The following TPP2 variants were observed in gnomAD, a reference collection of about 807,000 sequenced individuals.
TPP2 encodes the protein tripeptidyl-peptidase 2.
Under a neutral mutation model 155.9 loss-of-function variants are expected in TPP2, and 34 were observed. The ratio of observed to expected loss-of-function variants is 0.22; its 90% CI spans 0.17 to 0.29. TPP2 has a LOEUF of 0.29. Among genes scored for constraint, TPP2 ranks in the 10% least tolerant of loss-of-function variants. TPP2 has a pLI of 1.00. For missense variants in TPP2, 1,028 were observed against 1,522.3 expected (o/e 0.68, Z 5.40); for synonymous variants, 510 against 529.4 (o/e 0.96, Z 0.50).
intron 22 of TPP2, 77 bp downstream of exon 22, chr13:102,649,228 G>A: frequency 6.6e-7 from 1 of 1,515,688 alleles, no homozygotes; most frequent in African/African-American, 1.4e-5. Flanking sequence ...ATGACATCTA[G>A]GCTAAATTTA....
intron 2 of TPP2, among the ~76,000 whole-genome samples, chr13:102,612,877 T>C (rs576621367): frequency 1.9e-4 from 29 of 152,254 alleles, no homozygotes; most frequent in Non-Finnish European, 3.8e-4. Flanking sequence ...CTTCATTTAA[T>C]CTTTTGGCAT....
intron 27 of TPP2, among the ~76,000 whole-genome samples, chr13:102,667,083 C>T (rs924973287): frequency 4.6e-5 from 7 of 152,162 alleles, no homozygotes; most frequent in African/African-American, 9.7e-5. Context: ...AAATACTTAG[C>T]ATTTCTTACA....
intron 25 of TPP2, among the ~76,000 whole-genome samples, chr13:102,661,596 C>T (rs1884234282): frequency 6.6e-6 from 1 of 152,064 alleles, no homozygotes. Context: ...AGGCAAATGG[C>T]TCAATTTTTT....
At chr13:102,657,293 GTA>G in intron 25 of TPP2, 86 bp downstream of exon 25, 1 of 1,127,280 alleles carries the variant, frequency 8.9e-7, no homozygotes, top group Non-Finnish European at 1.2e-6. Context: ...TACATAGACC[GTA>G]TTTAAAATTA....
intron 2 of TPP2, among the ~76,000 whole-genome samples, chr13:102,613,883 A>G (rs1171526805): frequency 6.6e-6 from 1 of 152,230 alleles, no homozygotes; most frequent in Non-Finnish European, 1.5e-5. Flanking sequence ...TGTATAAATG[A>G]AGGTATTATT....
At chr13:102,666,551 A>G (rs920634594) in intron 27 of TPP2, among the ~76,000 whole-genome samples, 6 of 152,162 alleles carry the variant, frequency 3.9e-5, no homozygotes, top group African/African-American at 1.4e-4. Context: ...AGCCCCCGAC[A>G]TTAACTATCC....
At chr13:102,629,441 A>G in intron 8 of TPP2, 41 bp from the exon 9 acceptor site, 1 of 1,448,624 alleles carries the variant, frequency 6.9e-7, no homozygotes, top group Non-Finnish European at 9.0e-7. Flanking sequence ...CTTTGGGAAT[A>G]GAGGCTGATT....
chr13:102,669,972 G>T (rs1486429305), intron 27 of TPP2, among the ~76,000 whole-genome samples: 1 of 152,184 alleles, frequency 6.6e-6, no homozygotes, highest in African/African-American at 2.4e-5. Flanking sequence ...AATAAACAGA[G>T]TAAGCAGAGT....
chr13:102,628,796 ACTT>A, intron 8 of TPP2, among the ~76,000 whole-genome samples: 1 of 151,632 alleles, frequency 6.6e-6, no homozygotes, highest in East Asian at 1.9e-4. Context: ...CTCTTCTCTC[ACTT>A]CTTTATTTTA....
chr13:102,637,738 A>G (rs550861836), intron 14 of TPP2, among the ~76,000 whole-genome samples: 2 of 152,126 alleles, frequency 1.3e-5, no homozygotes, highest in African/African-American at 4.8e-5. Flanking sequence ...TTTTGTAGAG[A>G]CAGGATCTCT....
intron 1 of TPP2, among the ~76,000 whole-genome samples, chr13:102,603,300 A>G (rs1879572516): frequency 1.3e-5 from 2 of 152,178 alleles, no homozygotes; most frequent in Admixed American, 1.3e-4. Context: ...TTTCTATTCT[A>G]ATAGGGGGAA....
chr13:102,628,612 A>C (rs1175472790), intron 8 of TPP2, among the ~76,000 whole-genome samples: 1 of 152,090 alleles, frequency 6.6e-6, no homozygotes, highest in Non-Finnish European at 1.5e-5. Context: ...GCCTTGACCT[A>C]ATGTTACCTT....
chr13:102,607,415 T>C (rs1879922974), intron 2 of TPP2, among the ~76,000 whole-genome samples: 1 of 152,176 alleles, frequency 6.6e-6, no homozygotes, highest in African/African-American at 2.4e-5. Context: ...TGCTCAGCCT[T>C]CTGAATTACT....
In TPP2 at chr13:102,659,385, A is replaced by G. The variant is rs144153706; in HGVS notation, c.3143+2178A>G. On this transcript the variant is annotated intron_variant, in intron 25 of 29. Coordinates refer to ENST00000376052, the MANE Select transcript of TPP2 (RefSeq NM_001330588.2). ...CAGGGAACTCAATGAACTCAAAGTA[A>G]ATGCAAAGAAATCCACAAATAGACA... Among the ~76,000 whole-genome samples, 20 of 152,332 alleles carry G rather than the reference A, an allele frequency of 1.3e-4. No individual in the cohort carries two copies. The East Asian group carries it at 1.9e-3, about 15-fold the overall frequency.
In TPP2 at chr13:102,633,083, G is replaced by A. The variant is rs149197084; in HGVS notation, c.1245-867G>A. Reference sequence around the variant, plus strand: ...TCAGTTGGGAGATGGTATAAGGAGAGTCTGGCAGCCTCTGTGGGGAATGTA... The same window carrying A: ...TCAGTTGGGAGATGGTATAAGGAGAATCTGGCAGCCTCTGTGGGGAATGTA... On this transcript the variant is annotated intron_variant, in intron 10 of 29. Transcript: ENST00000376052. Among the ~76,000 whole-genome samples the A allele has an allele frequency of 8.6e-3, 1,303 of 152,336 alleles. 38 individuals carry two copies. Among genetic ancestry groups the A allele is most frequent in the Admixed American group, 0.029 (451 of 15,306 alleles).
intron 27 of TPP2, among the ~76,000 whole-genome samples, chr13:102,666,764 CTCTTTTTTTTTTT>C (rs1296081548): frequency 1.7e-5 from 1 of 60,560 alleles, no homozygotes; most frequent in African/African-American, 7.2e-5. Flanking sequence ...TGTTTTTAAT[CTCTTTTTTTTTTT>C]TTTTTTTTTT....
chr13:102,602,191 G>T (rs1407302843), intron 1 of TPP2, among the ~76,000 whole-genome samples: 5 of 152,126 alleles, frequency 3.3e-5, no homozygotes, highest in African/African-American at 1.2e-4. Context: ...ATTAGTACAT[G>T]ACCTAGCTAG....
chr13:102,661,399 C>G (rs1048241573), intron 25 of TPP2, among the ~76,000 whole-genome samples: 1 of 151,668 alleles, frequency 6.6e-6, no homozygotes, highest in African/African-American at 2.4e-5. Flanking sequence ...TACAAGTGCA[C>G]GCCACCACCC....
chr13:102,645,852 AG>A (rs1323027367), intron 19 of TPP2, among the ~76,000 whole-genome samples: 2 of 152,170 alleles, frequency 1.3e-5, no homozygotes, highest in African/African-American at 4.8e-5. Flanking sequence ...CTCGGCCAGG[AG>A]GAGGGCTGAG....
Sources: gnomAD v4.1 joint callset for allele counts (sites outside exome capture counted in the v4.1 genomes callset) on GRCh38, gnomAD v4.1.1 for gene constraint, MANE v1.5 for transcripts, NCBI Gene and HGNC (gene_info 2026-07-23, HGNC 2026-07-21) for gene names.